Variants in LOC128462377 observed in about 807,000 individuals in gnomAD.
chr16:89,393,607 G>C, the LOC128462377 span, among the ~76,000 whole-genome samples: 1 of 151,610 alleles, frequency 6.6e-6, no homozygotes, highest in African/African-American at 2.4e-5. Context: ...CTCCCAAAGT[G>C]GTGGGATTAC....
At chr16:89,395,038 C>T in the LOC128462377 span, among the ~76,000 whole-genome samples, 98 of 152,324 alleles carry the variant, frequency 6.4e-4, no homozygotes, top group African/African-American at 2.3e-3. Flanking sequence ...TCCAGATCAT[C>T]TTAAAAGTTC....
the LOC128462377 span, among the ~76,000 whole-genome samples, chr16:89,325,921 C>T: frequency 6.6e-6 from 1 of 152,168 alleles, no homozygotes; most frequent in Admixed American, 6.5e-5. Flanking sequence ...AGCATGACGA[C>T]GGAGCAGCTT....
chr16:89,359,885 A>C, the LOC128462377 span, among the ~76,000 whole-genome samples: 1 of 152,182 alleles, frequency 6.6e-6, no homozygotes, highest in African/African-American at 2.4e-5. Flanking sequence ...AATCAGCATC[A>C]CATAGTTTAT....
chr16:89,395,890 C>T, the LOC128462377 span: 16 of 152,332 alleles, frequency 1.1e-4, no homozygotes, highest in East Asian at 5.8e-4. Context: ...GTCCCGAGCA[C>T]GCAGCATTCA....
chr16:89,329,548 A>G, the LOC128462377 span, among the ~76,000 whole-genome samples: 1 of 152,342 alleles, frequency 6.6e-6, no homozygotes, highest in African/African-American at 2.4e-5. Flanking sequence ...ATTTTATGTC[A>G]ATTGTAATTC....
chr16:89,361,705 C>T, the LOC128462377 span: 2 of 152,180 alleles, frequency 1.3e-5, no homozygotes, highest in Non-Finnish European at 2.9e-5. Context: ...AGTAGAAGAT[C>T]ACCACCCAGA....
the LOC128462377 span, among the ~76,000 whole-genome samples, chr16:89,366,128 T>TAAA: frequency 1.4e-5 from 1 of 69,612 alleles, no homozygotes; most frequent in African/African-American, 6.6e-5. Context: ...AGACTCCATC[T>TAAA]CAAAAAAAAA....
the LOC128462377 span, among the ~76,000 whole-genome samples, chr16:89,326,363 G>C: frequency 6.6e-6 from 1 of 152,040 alleles, no homozygotes; most frequent in Admixed American, 6.6e-5. Flanking sequence ...GTCTGCAGAA[G>C]GGGACGCAGC....
chr16:89,356,124 A>C, the LOC128462377 span, among the ~76,000 whole-genome samples: 2 of 152,204 alleles, frequency 1.3e-5, no homozygotes, highest in African/African-American at 4.8e-5. Context: ...GTTACTATGA[A>C]CTAGTGCTTT....
At chr16:89,331,339 A>G in the LOC128462377 span, among the ~76,000 whole-genome samples, 1 of 152,250 alleles carries the variant, frequency 6.6e-6, no homozygotes, top group African/African-American at 2.4e-5. Flanking sequence ...TTAGATGCAC[A>G]GTTCACATCA....
chr16:89,406,646 G>A, the LOC128462377 span, among the ~76,000 whole-genome samples: 1 of 152,162 alleles, frequency 6.6e-6, no homozygotes, highest in Non-Finnish European at 1.5e-5. Flanking sequence ...CAGACACAGG[G>A]TTTTAGTTAA....
the LOC128462377 span, among the ~76,000 whole-genome samples, chr16:89,337,159 C>A: frequency 6.6e-6 from 1 of 152,018 alleles, no homozygotes; most frequent in Non-Finnish European, 1.5e-5. Context: ...CTACTCCACC[C>A]TGGGCAACAG....
chr16:89,387,178 T>A, the LOC128462377 span, among the ~76,000 whole-genome samples: 1 of 150,410 alleles, frequency 6.6e-6, no homozygotes, highest in Admixed American at 6.6e-5. Flanking sequence ...GAAGGCCCAC[T>A]AAGGACACTG....
the LOC128462377 span, among the ~76,000 whole-genome samples, chr16:89,341,432 C>T: frequency 3.9e-5 from 6 of 152,254 alleles, no homozygotes; most frequent in East Asian, 7.7e-4. Context: ...CCCCACCAAG[C>T]AGCTTCCCAG....
At chr16:89,375,015 T>C in the LOC128462377 span, among the ~76,000 whole-genome samples, 3 of 152,110 alleles carry the variant, frequency 2.0e-5, no homozygotes, top group African/African-American at 7.2e-5. Context: ...ATACACAGAT[T>C]ATAAAAAATT....
chr16:89,415,829 C>CAAAAAAAAAA, the LOC128462377 span, among the ~76,000 whole-genome samples: 299 of 39,670 alleles, frequency 7.5e-3, 12 homozygotes, highest in Middle Eastern at 0.023. Flanking sequence ...GACTCTGTCT[C>CAAAAAAAAAA]AAAAAAAAAA....
the LOC128462377 span, among the ~76,000 whole-genome samples, chr16:89,388,954 A>G: frequency 6.6e-6 from 1 of 152,252 alleles, no homozygotes; most frequent in Middle Eastern, 3.2e-3. Flanking sequence ...GATGACTTAC[A>G]GGAATATACA....
the LOC128462377 span, among the ~76,000 whole-genome samples, chr16:89,415,906 G>A: frequency 6.7e-6 from 1 of 149,456 alleles, no homozygotes; most frequent in Admixed American, 6.8e-5. Context: ...GCCCATGTGG[G>A]TCACGGCGCC....
chr16:89,394,369 C>A, the LOC128462377 span, among the ~76,000 whole-genome samples: 1 of 152,230 alleles, frequency 6.6e-6, no homozygotes, highest in Non-Finnish European at 1.5e-5. Context: ...TGGCTCCCGC[C>A]CGTAATCCCA....
Sources: allele counts gnomAD v4.1 joint callset (sites outside exome capture counted in the v4.1 genomes callset), GRCh38; gene constraint gnomAD v4.1.1; transcripts MANE v1.5.